The following HS3ST4 variants were observed in gnomAD, a reference collection of about 807,000 sequenced individuals.
HS3ST4 encodes the protein heparan sulfate-glucosamine 3-sulfotransferase 4, also known as heparan sulfate glucosamine 3-O-sulfotransferase 4.
A neutral mutation model predicts 29.2 loss-of-function variants in HS3ST4; 17 were observed. The observed-to-expected ratio is 0.58, with a 90% CI of 0.40 to 0.87. The LOEUF (loss-of-function observed/expected upper bound fraction) is 0.87, where lower values mean the gene tolerates loss of function less well. Among genes scored for constraint, HS3ST4 ranks in the 40% least tolerant of loss-of-function variants. The probability of loss-of-function intolerance (pLI) is 0.00; values close to 1 mark genes in which losing one functional copy is unlikely to be tolerated. For missense variants in HS3ST4, 627 were observed against 634.5 expected (o/e 0.99, Z 0.13); for synonymous variants, 314 against 285.7 (o/e 1.10, Z -1.00).
At chr16:25,985,684 TTC>T (rs1161326972) in intron 1 of HS3ST4, among the ~76,000 whole-genome samples, 2 of 152,114 alleles carry the variant, frequency 1.3e-5, no homozygotes, top group East Asian at 3.8e-4. Context: ...CAAATTTTAT[TTC>T]TGTTTATTTA....
intron 1 of HS3ST4, among the ~76,000 whole-genome samples, chr16:26,067,522 C>T (rs1417343893): frequency 1.3e-5 from 2 of 152,086 alleles, no homozygotes; most frequent in Non-Finnish European, 2.9e-5. Flanking sequence ...CCAGCCACCC[C>T]TGTGCCACCT....
Position 25,914,885 on chromosome 16 carries a change from A to G in HS3ST4, c.735-220727A>G, listed in dbSNP as rs182233154. Among the ~76,000 whole-genome samples, 44 of 152,146 alleles carry G rather than the reference A, an allele frequency of 2.9e-4. No homozygotes were observed. The South Asian group carries it at 4.2e-3, about 14-fold the overall frequency. On this transcript the variant is annotated intron_variant, in intron 1 of 1. Coordinates refer to ENST00000331351, the MANE Select transcript of HS3ST4 (RefSeq NM_006040.3). ...GTTTTGGAAAGATCATTTTATTGAT[A>G]GGCTGAGAGTAATTTGCTTTTTAAA...
chr16:25,992,806 G>A (rs971832246), intron 1 of HS3ST4, among the ~76,000 whole-genome samples: 1 of 152,196 alleles, frequency 6.6e-6, no homozygotes, highest in African/African-American at 2.4e-5. Flanking sequence ...ATTCGAGGCT[G>A]TGAGGAAAAA....
At chr16:25,968,545 C>G (rs184515057) in intron 1 of HS3ST4, among the ~76,000 whole-genome samples, 1 of 152,260 alleles carries the variant, frequency 6.6e-6, no homozygotes, top group Admixed American at 6.5e-5. Flanking sequence ...TTCCTGCATT[C>G]AGCCTCCTTC....
intron 1 of HS3ST4, among the ~76,000 whole-genome samples, chr16:26,010,282 C>T (rs1377244006): frequency 1.3e-5 from 2 of 152,054 alleles, no homozygotes; most frequent in East Asian, 1.9e-4. Flanking sequence ...GGCAAAAGCC[C>T]GTCTCTACTG....
At chr16:26,106,883 G>T (rs1424987596) in intron 1 of HS3ST4, among the ~76,000 whole-genome samples, 1 of 152,150 alleles carries the variant, frequency 6.6e-6, no homozygotes, top group Non-Finnish European at 1.5e-5. Flanking sequence ...TGCCCTGTGG[G>T]CAAGGGCTTA....
At chr16:25,834,326 C>T (rs1036577888) in intron 1 of HS3ST4, among the ~76,000 whole-genome samples, 1 of 152,088 alleles carries the variant, frequency 6.6e-6, no homozygotes, top group Non-Finnish European at 1.5e-5. Context: ...TTAAGAAGTC[C>T]TCTAGGTGAT....
At chr16:25,806,160 T>C (rs1966988758) in intron 1 of HS3ST4, among the ~76,000 whole-genome samples, 6 of 152,204 alleles carry the variant, frequency 3.9e-5, no homozygotes, top group Admixed American at 3.9e-4. Flanking sequence ...AGTGTGCCCA[T>C]GGTAATTTAC....
chr16:25,806,103 T>C (rs1966988342), intron 1 of HS3ST4, among the ~76,000 whole-genome samples: 1 of 152,178 alleles, frequency 6.6e-6, no homozygotes, highest in Admixed American at 6.5e-5. Context: ...ATCTAGTCTG[T>C]TATTGATGGG....
intron 1 of HS3ST4, among the ~76,000 whole-genome samples, chr16:25,916,098 A>G (rs1968290495): frequency 6.6e-6 from 1 of 152,218 alleles, no homozygotes; most frequent in Non-Finnish European, 1.5e-5. Flanking sequence ...CCAGACAACC[A>G]CAGAACTCAT....
At chr16:25,711,740 C>T (rs1268414945) in intron 1 of HS3ST4, among the ~76,000 whole-genome samples, 1 of 152,120 alleles carries the variant, frequency 6.6e-6, no homozygotes, top group Non-Finnish European at 1.5e-5. Flanking sequence ...TGCAAAGTAC[C>T]TGGTCTGGAG....
intron 1 of HS3ST4, chr16:26,032,803 C>T: frequency 2.0e-6 from 3 of 1,533,922 alleles, no homozygotes; most frequent in South Asian, 2.2e-5. Flanking sequence ...CAGCCTTTCT[C>T]TTGGGCATGG....
At chr16:25,850,085 C>T (rs1254492370) in intron 1 of HS3ST4, among the ~76,000 whole-genome samples, 16 of 151,058 alleles carry the variant, frequency 1.1e-4, no homozygotes, top group Non-Finnish European at 2.2e-4. Flanking sequence ...CTGCAACCTC[C>T]GCCTCCCTGG....
intron 1 of HS3ST4, among the ~76,000 whole-genome samples, chr16:26,086,196 CTCTAGCCCTCTTGT>C (rs930447904): frequency 1.3e-5 from 2 of 152,118 alleles, no homozygotes; most frequent in Admixed American, 1.3e-4. Context: ...ATCACTCGCC[CTCTAGCCCTCTTGT>C]TCTTTTTTAT....
At chr16:25,840,518 T>G (rs1596587497) in intron 1 of HS3ST4, among the ~76,000 whole-genome samples, 1 of 152,222 alleles carries the variant, frequency 6.6e-6, no homozygotes. Context: ...CCAGCCTAGC[T>G]AGTGTTTCTA....
chr16:25,938,371 C>T (rs770398067), intron 1 of HS3ST4, among the ~76,000 whole-genome samples: 1 of 152,004 alleles, frequency 6.6e-6, no homozygotes, highest in East Asian at 1.9e-4. Context: ...TGGGGACTTT[C>T]GAGTTACATA....
At chr16:25,919,934 G>A (rs2141682247) in intron 1 of HS3ST4, among the ~76,000 whole-genome samples, 1 of 151,528 alleles carries the variant, frequency 6.6e-6, no homozygotes, top group South Asian at 2.1e-4. Context: ...ATTTACAGGG[G>A]GCCAGAGAAA....
At chr16:25,790,800 C>A (rs1966867512) in intron 1 of HS3ST4, among the ~76,000 whole-genome samples, 1 of 152,068 alleles carries the variant, frequency 6.6e-6, no homozygotes, top group Non-Finnish European at 1.5e-5. Context: ...GGTAAAAGTC[C>A]TTTGTTGGAT....
chr16:25,828,913 C>G (rs1006398084), intron 1 of HS3ST4, among the ~76,000 whole-genome samples: 13 of 152,142 alleles, frequency 8.5e-5, no homozygotes, highest in African/African-American at 2.9e-4. Flanking sequence ...ATGAAGAACA[C>G]TATAAGGTTC....
Sources: gnomAD v4.1 joint callset for allele counts (sites outside exome capture counted in the v4.1 genomes callset) on GRCh38, gnomAD v4.1.1 for gene constraint, MANE v1.5 for transcripts, NCBI Gene and HGNC (gene_info 2026-07-23, HGNC 2026-07-21) for gene names.